CADPS2: variants seen among roughly 807,000 people sequenced by gnomAD.
The protein encoded by CADPS2 is calcium dependent secretion activator 2.
A neutral mutation model predicts 172.5 loss-of-function variants in CADPS2; 93 were observed. The ratio of observed to expected loss-of-function variants is 0.54; its 90% CI spans 0.46 to 0.64. The LOEUF (loss-of-function observed/expected upper bound fraction) is 0.64. Ranked by LOEUF, CADPS2 falls within the 30% of genes least tolerant of loss-of-function variation. CADPS2 has a pLI of 0.00. For missense variants in CADPS2, 1,420 were observed against 1,565.9 expected (o/e 0.91, Z 1.57); for synonymous variants, 546 against 555.2 (o/e 0.98, Z 0.23).
intron 1 of CADPS2, among the ~76,000 whole-genome samples, chr7:122,804,537 C>T (rs1302924900): frequency 1.3e-5 from 2 of 152,176 alleles, no homozygotes; most frequent in African/African-American, 4.8e-5. Context: ...TCTTAAATGA[C>T]ATTTTAAGGA....
chr7:122,780,977 A>G (rs1295698380), intron 1 of CADPS2, among the ~76,000 whole-genome samples: 1 of 152,220 alleles, frequency 6.6e-6, no homozygotes, highest in Non-Finnish European at 1.5e-5. Context: ...GTGCTGAGTC[A>G]AAGTGTAGAG....
At chr7:122,750,911 TA>T (rs1401239820) in intron 1 of CADPS2, among the ~76,000 whole-genome samples, 9 of 152,110 alleles carry the variant, frequency 5.9e-5, no homozygotes, top group Admixed American at 6.6e-5. Context: ...AGAAATCTAC[TA>T]AAAGCTGAGG....
chr7:122,826,365 T>C (rs563903043), intron 1 of CADPS2, among the ~76,000 whole-genome samples: 1 of 152,158 alleles, frequency 6.6e-6, no homozygotes, highest in East Asian at 1.9e-4. Flanking sequence ...TTAAACAACA[T>C]CCCAAGTCTC....
intron 12 of CADPS2, among the ~76,000 whole-genome samples, chr7:122,476,697 T>C (rs918545637): frequency 3.9e-5 from 6 of 152,008 alleles, no homozygotes; most frequent in Admixed American, 1.3e-4. Flanking sequence ...AACAAACCCA[T>C]TAAAATTTTT....
intron 12 of CADPS2, among the ~76,000 whole-genome samples, chr7:122,478,063 A>G (rs1265282994): frequency 1.3e-5 from 2 of 152,316 alleles, no homozygotes; most frequent in African/African-American, 2.4e-5. Context: ...TTCTACAGGT[A>G]TAACATACCT....
chr7:122,675,230 C>T (rs2082267427), intron 2 of CADPS2, among the ~76,000 whole-genome samples: 1 of 152,170 alleles, frequency 6.6e-6, no homozygotes, highest in African/African-American at 2.4e-5. Context: ...AAAACGGAGT[C>T]CTCTGTGGTG....
chr7:122,335,761 GA>G (rs1563091942), intron 28 of CADPS2, among the ~76,000 whole-genome samples: 1 of 152,008 alleles, frequency 6.6e-6, no homozygotes, highest in African/African-American at 2.4e-5. Context: ...TAAAGGGCTA[GA>G]AAAAAAGGCC....
At chr7:122,341,074 C>T (rs2036707651) in intron 28 of CADPS2, among the ~76,000 whole-genome samples, 2 of 152,152 alleles carry the variant, frequency 1.3e-5, no homozygotes, top group South Asian at 4.1e-4. Context: ...GAGATATCCT[C>T]TGTTTAAAAC....
intron 2 of CADPS2, among the ~76,000 whole-genome samples, chr7:122,706,725 T>G (rs2087592763): frequency 6.8e-6 from 1 of 147,804 alleles, no homozygotes; most frequent in Non-Finnish European, 1.5e-5. Context: ...TATATATGTA[T>G]ATATACTTAT....
intron 1 of CADPS2, among the ~76,000 whole-genome samples, chr7:122,822,294 G>A (rs142464527): frequency 0.016 from 2,476 of 151,746 alleles, 68 homozygotes; most frequent in African/African-American, 0.056. Context: ...ATCCAAAACC[G>A]TATCCAGGCC....
intron 3 of CADPS2, among the ~76,000 whole-genome samples, chr7:122,659,026 C>T (rs1380966375): frequency 6.6e-6 from 1 of 151,856 alleles, no homozygotes; most frequent in African/African-American, 2.4e-5. Flanking sequence ...CCTTAGTTAC[C>T]TCAGTTCTCA....
intron 1 of CADPS2, among the ~76,000 whole-genome samples, chr7:122,862,413 G>A (rs534334574): frequency 6.6e-6 from 1 of 152,282 alleles, no homozygotes; most frequent in South Asian, 2.1e-4. Flanking sequence ...AAGAAGACAG[G>A]AGATTTATCC....
chr7:122,433,696 A>G (rs2050270870), intron 17 of CADPS2, among the ~76,000 whole-genome samples: 1 of 152,142 alleles, frequency 6.6e-6, no homozygotes, highest in South Asian at 2.1e-4. Context: ...AGCCATTGTG[A>G]CTGGCCGATT....
chr7:122,765,473 T>C (rs1380715222), intron 1 of CADPS2, among the ~76,000 whole-genome samples: 3 of 152,166 alleles, frequency 2.0e-5, no homozygotes, highest in Non-Finnish European at 4.4e-5. Context: ...TGGGAACTAA[T>C]GAATCACAAG....
intron 1 of CADPS2, among the ~76,000 whole-genome samples, chr7:122,791,540 C>A (rs1472133544): frequency 6.6e-6 from 1 of 152,128 alleles, no homozygotes; most frequent in African/African-American, 2.4e-5. Flanking sequence ...GTTTTTCAAA[C>A]ACAATCTGGA....
At chr7:122,448,329 T>C (rs1458411309) in intron 15 of CADPS2, among the ~76,000 whole-genome samples, 2 of 152,102 alleles carry the variant, frequency 1.3e-5, no homozygotes, top group Admixed American at 1.3e-4. Context: ...GAGAACAGCA[T>C]GGGGGAAACC....
At chr7:122,539,045 T>A (rs995437369) in intron 8 of CADPS2, among the ~76,000 whole-genome samples, 2 of 152,054 alleles carry the variant, frequency 1.3e-5, no homozygotes, top group African/African-American at 4.8e-5. Context: ...CACACACACA[T>A]ACTACACATT....
At chr7:122,622,823 T>A (rs2075736733) in intron 4 of CADPS2, among the ~76,000 whole-genome samples, 1 of 152,110 alleles carries the variant, frequency 6.6e-6, no homozygotes, top group South Asian at 2.1e-4. Flanking sequence ...TCATTCAAAA[T>A]CTAACCTAAG....
chr7:122,653,530 T>C (rs1218497530), intron 3 of CADPS2, among the ~76,000 whole-genome samples: 1 of 152,218 alleles, frequency 6.6e-6, no homozygotes, highest in East Asian at 1.9e-4. Flanking sequence ...TGTTGGAATA[T>C]AACAAAAGAA....
Sources: gnomAD v4.1 joint callset for allele counts (sites outside exome capture counted in the v4.1 genomes callset) on GRCh38, gnomAD v4.1.1 for gene constraint, MANE v1.5 for transcripts, NCBI Gene and HGNC (gene_info 2026-07-23, HGNC 2026-07-21) for gene names.